INPP5A: variants seen among roughly 807,000 people sequenced by gnomAD.
INPP5A encodes the protein 43 kDa inositol polyphosphate 5-phophatase.
In INPP5A, 14 loss-of-function variants were observed where a neutral mutation model predicts 65.2. That is an observed-to-expected ratio of 0.21 (90% CI 0.14 to 0.34). INPP5A has a LOEUF of 0.34. INPP5A is among the 10% of genes least tolerant of loss of function. INPP5A has a pLI of 1.00. For missense variants in INPP5A, 431 were observed against 545.6 expected (o/e 0.79, Z 2.09); for synonymous variants, 207 against 208.3 (o/e 0.99, Z 0.05).
intron 2 of INPP5A, among the ~76,000 whole-genome samples, chr10:132,630,145 T>C (rs1266198140): frequency 6.6e-6 from 1 of 152,078 alleles, no homozygotes; most frequent in African/African-American, 2.4e-5. Context: ...AAGGCGTCTA[T>C]GAGGGAAAGC....
chr10:132,758,736 C>T (rs925309260), intron 11 of INPP5A, among the ~76,000 whole-genome samples: 1 of 152,218 alleles, frequency 6.6e-6, no homozygotes, highest in Non-Finnish European at 1.5e-5. Context: ...GGAAGGACCC[C>T]CAGAGCTGCT....
At chr10:132,713,177 T>C (rs184398195) in intron 8 of INPP5A, among the ~76,000 whole-genome samples, 27 of 151,902 alleles carry the variant, frequency 1.8e-4, no homozygotes, top group Admixed American at 3.9e-4. Context: ...TGTGTGTGCA[T>C]TTGTGGGTAT....
At chr10:132,765,164 AC>A (rs1282422819) in intron 11 of INPP5A, among the ~76,000 whole-genome samples, 11 of 149,810 alleles carry the variant, frequency 7.3e-5, no homozygotes, top group African/African-American at 2.0e-4. Flanking sequence ...GTGTGTGGTG[AC>A]CGCTCAGAAA....
At chr10:132,588,577 C>A (rs1037267226) in intron 1 of INPP5A, among the ~76,000 whole-genome samples, 1 of 152,262 alleles carries the variant, frequency 6.6e-6, no homozygotes, top group East Asian at 1.9e-4. Context: ...GAGGAATCAG[C>A]AGCACGGCCC....
At position 132,707,535 on chromosome 10, in the gene INPP5A, C is replaced by T. The variant is rs72868930; in HGVS notation, c.475-778C>T. Among the ~76,000 whole-genome samples, 2,700 of 151,758 alleles carry T rather than the reference C, an allele frequency of 0.018. 36 individuals carry two copies. Among genetic ancestry groups the T allele is most frequent in the Middle Eastern group, 0.044 (13 of 294 alleles). On this transcript the variant is annotated intron_variant, in intron 6 of 15. Coordinates refer to ENST00000368594, the MANE Select transcript of INPP5A (RefSeq NM_005539.5). The surrounding 1 kb of genome is among the most constrained non-coding windows in gnomAD (Gnocchi z 5.5). ...CAGTTCTTCAGTCATACACTTTGCA[C>T]GCTCGGTGGCCCCGGTGGCTGGCCA...
intron 9 of INPP5A, among the ~76,000 whole-genome samples, chr10:132,737,040 C>T (rs914293083): frequency 1.3e-5 from 2 of 152,236 alleles, no homozygotes; most frequent in Non-Finnish European, 2.9e-5. Context: ...GATGACTGTG[C>T]AGCTGTCGCT....
chr10:132,578,695 G>C (rs1463408340), intron 1 of INPP5A, among the ~76,000 whole-genome samples: 1 of 132,678 alleles, frequency 7.5e-6, no homozygotes, highest in Non-Finnish European at 1.7e-5. Context: ...CTGGGTCCGA[G>C]CTCCAGGACA....
intron 4 of INPP5A, among the ~76,000 whole-genome samples, chr10:132,689,062 G>C (rs1435708139): frequency 6.6e-6 from 1 of 152,242 alleles, no homozygotes. Context: ...TGGTGTGCAT[G>C]TGTGTACATG....
chr10:132,636,235 A>G (rs1038887099), intron 2 of INPP5A, among the ~76,000 whole-genome samples: 4 of 152,136 alleles, frequency 2.6e-5, no homozygotes, highest in African/African-American at 4.8e-5. Context: ...TCGGCCATAA[A>G]AAGAATGAAA....
chr10:132,654,830 C>T lies in INPP5A; in HGVS notation c.306+4325C>T, dbSNP rs909766790. On this transcript the variant is annotated intron_variant, in intron 4 of 15. Transcript: ENST00000368594. ...ATTGAACCTGAAGCTGCGCCTGGCG[C>T]GTGAGCCTGTGGGGGGGACGCGGCT... Among the ~76,000 whole-genome samples, 6 of 152,352 alleles carry T rather than the reference C, an allele frequency of 3.9e-5. No homozygotes were observed. The East Asian group carries it at 5.8e-4, about 15-fold the overall frequency.
rs921200120 is a variant in INPP5A, at chr10:132,627,470, C to G, written c.118-18398C>G. 2.6e-5 allele frequency among the ~76,000 whole-genome samples: 4 copies of G among 152,192 alleles called. No individual in the cohort carries two copies. The highest frequency in any genetic ancestry group is 4.4e-5 in the Non-Finnish European group (3 of 68,038). The stretch of plus-strand genomic sequence containing the variant: ...CGGCTCCCAAGATGCGTGCAGCTGT[C>G]CGCGGTGGCTGCCTCGTCCAGCAGC... On this transcript the variant is annotated intron_variant, in intron 2 of 15. Transcript: ENST00000368594. The surrounding 1 kb of genome is among the most constrained non-coding windows in gnomAD (Gnocchi z 6.6).
intron 8 of INPP5A, among the ~76,000 whole-genome samples, chr10:132,713,664 A>C (rs1385100015): frequency 6.6e-6 from 1 of 152,134 alleles, no homozygotes; most frequent in Non-Finnish European, 1.5e-5. Context: ...GAGGGTGGCA[A>C]CTGCGAGGCC....
At chr10:132,602,653 G>A (rs981833410) in intron 1 of INPP5A, among the ~76,000 whole-genome samples, 11 of 152,206 alleles carry the variant, frequency 7.2e-5, no homozygotes, top group Non-Finnish European at 4.4e-5. Context: ...AGAGCATATA[G>A]TCTGTGAACA....
chr10:132,567,914 C>T (rs372248434), intron 1 of INPP5A, among the ~76,000 whole-genome samples: 6 of 152,030 alleles, frequency 3.9e-5, no homozygotes, highest in African/African-American at 9.6e-5. Flanking sequence ...TGGCTGAGGC[C>T]GGGCGCGGTG....
chr10:132,567,613 A>G (rs1297290116), intron 1 of INPP5A, among the ~76,000 whole-genome samples: 1 of 152,180 alleles, frequency 6.6e-6, no homozygotes, highest in Admixed American at 6.5e-5. Flanking sequence ...GGGTTTTACC[A>G]GTTTTTCCAC....
intron 12 of INPP5A, among the ~76,000 whole-genome samples, chr10:132,775,256 A>C (rs1026385527): frequency 3.3e-5 from 5 of 150,800 alleles, no homozygotes; most frequent in Non-Finnish European, 7.4e-5. Flanking sequence ...AGAGGCTAGC[A>C]CAGGAGTACG....
At chr10:132,567,532 C>T (rs1469051244) in intron 1 of INPP5A, among the ~76,000 whole-genome samples, 1 of 152,204 alleles carries the variant, frequency 6.6e-6, no homozygotes, top group Non-Finnish European at 1.5e-5. Context: ...TCGTAAATAA[C>T]CATGCTTCGT....
Position 132,650,393 on chromosome 10 carries a change from C to T in INPP5A, c.219-25C>T, listed in dbSNP as rs758446755. ...GCAAGGCGTCTGTGTGGCTTTTCCT[C>T]AGGAACCTACTTTCTTCCTTCCAGA... On this transcript the variant is annotated intron_variant, in intron 3 of 15. Coordinates refer to ENST00000368594, the MANE Select transcript of INPP5A (RefSeq NM_005539.5). The surrounding 1 kb of genome is among the most constrained non-coding windows in gnomAD (Gnocchi z 5.5). The T allele has an allele frequency of 1.3e-6, 2 of 1,576,580 alleles. No homozygotes were observed. The highest frequency in any genetic ancestry group is 8.7e-7 in the Non-Finnish European group (1 of 1,145,874).
chr10:132,670,221 CT>C (rs1236404807), intron 4 of INPP5A, among the ~76,000 whole-genome samples: 2 of 96,298 alleles, frequency 2.1e-5, no homozygotes, highest in East Asian at 7.6e-4. Flanking sequence ...CCCACACCCC[CT>C]GACCCTACAC....
Sources: gnomAD v4.1 joint callset for allele counts (sites outside exome capture counted in the v4.1 genomes callset) on GRCh38, gnomAD v4.1.1 for gene constraint, Gnocchi (gnomAD v3.1) non-coding constraint, MANE v1.5 for transcripts, NCBI Gene and HGNC (gene_info 2026-07-23, HGNC 2026-07-21) for gene names.